Variants in BRAF observed in about 807,000 individuals in gnomAD.
BRAF encodes B-Raf proto-oncogene, serine/threonine kinase.
In BRAF, 16 loss-of-function variants were observed where a neutral mutation model predicts 104.6. The ratio of observed to expected loss-of-function variants is 0.15; its 90% CI spans 0.10 to 0.23. The LOEUF is 0.23. Ranked by LOEUF, BRAF falls within the 10% of genes least tolerant of loss-of-function variation. The pLI, the probability that BRAF is intolerant of heterozygous loss-of-function variation, is 1.00. For missense variants in BRAF, 541 were observed against 937.3 expected (o/e 0.58, Z 5.52); for synonymous variants, 310 against 341.6 (o/e 0.91, Z 1.02).
intron 1 of BRAF, among the ~76,000 whole-genome samples, chr7:140,857,759 G>C (rs1398900185): frequency 6.6e-6 from 1 of 151,990 alleles, no homozygotes; most frequent in African/African-American, 2.4e-5. Context: ...CAACATCAGA[G>C]GCCAGCTTGA....
chr7:140,768,017 A>G (rs1009475523), intron 14 of BRAF, among the ~76,000 whole-genome samples: 1 of 152,236 alleles, frequency 6.6e-6, no homozygotes, highest in Admixed American at 6.5e-5. Flanking sequence ...CAGAGCTGGT[A>G]TCAGATATTT....
rs1795519232 is a variant in BRAF, at chr7:140,724,953, G to A, written c.*1541C>T. ...TAACTAGGTTATATTTTCCATTTGT[G>A]CAAAGATAAGATTTAGGTTCTTAAT... On this transcript the variant is annotated 3_prime_UTR_variant, in exon 20 of 20. Transcript: ENST00000644969. 17 of 1,042,268 alleles carry A rather than the reference G, an allele frequency of 1.6e-5. No homozygotes were observed. Among genetic ancestry groups the A allele is most frequent in the Non-Finnish European group, 2.0e-5 (17 of 864,776 alleles). 64.6% of individuals were successfully genotyped at this position (1,042,268 alleles called of 1,614,324 possible). A position where few individuals can be genotyped will look rare whatever the true frequency, so the allele number is the denominator to read the frequency against.
intron 2 of BRAF, among the ~76,000 whole-genome samples, chr7:140,841,304 T>C (rs1002406235): frequency 3.9e-5 from 6 of 152,118 alleles, no homozygotes; most frequent in African/African-American, 1.2e-4. Flanking sequence ...TACAAAATAG[T>C]GCAGCAACTT....
chr7:140,767,600 G>A (rs540097990), intron 14 of BRAF, among the ~76,000 whole-genome samples: 4 of 152,182 alleles, frequency 2.6e-5, no homozygotes, highest in African/African-American at 7.2e-5. Context: ...GTTTTGAGGC[G>A]GTATGACAGT....
chr7:140,753,743 T>C lies in BRAF; in HGVS notation c.1862-350A>G, dbSNP rs1445423756. 4 of 303,124 alleles carry C rather than the reference T, an allele frequency of 1.3e-5. No homozygotes were observed. In the East Asian group the frequency reaches 2.4e-4, roughly 19 times the overall value. The allele number at this position is 303,124 out of a possible 1,614,324, so 18.8% of individuals were successfully genotyped here. On this transcript the variant is annotated intron_variant, in intron 15 of 19. Transcript: ENST00000644969. The stretch of plus-strand genomic sequence containing the variant: ...CTGGGCGAGCAGTAAAGGCTCTTCA[T>C]TGGAATGAAGATGCTGCAGATAGTA...
intron 1 of BRAF, among the ~76,000 whole-genome samples, chr7:140,923,876 G>A (rs1818542394): frequency 6.6e-6 from 1 of 152,148 alleles, no homozygotes; most frequent in Non-Finnish European, 1.5e-5. Context: ...GGCGGTAGAT[G>A]GGAATAGAAT....
chr7:140,717,551 G>A (rs1386839208), downstream of BRAF, among the ~76,000 whole-genome samples: 1 of 152,192 alleles, frequency 6.6e-6, no homozygotes, highest in Non-Finnish European at 1.5e-5. Flanking sequence ...CCAACTCAGT[G>A]TTAAGAACAC....
At chr7:140,837,261 G>A (rs1448411199) in intron 2 of BRAF, among the ~76,000 whole-genome samples, 2 of 152,142 alleles carry the variant, frequency 1.3e-5, no homozygotes, top group African/African-American at 4.8e-5. Context: ...AAGACCCGGA[G>A]AAGCATCACA....
chr7:140,802,226 T>C (rs1462272792), intron 5 of BRAF, among the ~76,000 whole-genome samples: 1 of 151,970 alleles, frequency 6.6e-6, no homozygotes, highest in Non-Finnish European at 1.5e-5. Context: ...GAATAATTCC[T>C]ATTGCCTAGT....
intron 1 of BRAF, among the ~76,000 whole-genome samples, chr7:140,873,157 A>AGG (rs1811807075): frequency 6.9e-6 from 1 of 145,610 alleles, no homozygotes; most frequent in Non-Finnish European, 1.5e-5. Context: ...AGAACATCAC[A>AGG]GTCTGTGGCT....
Position 140,782,996 on chromosome 7 carries a change from A to G in BRAF, c.1434+25T>C, listed in dbSNP as rs372706608. On this transcript the variant is annotated intron_variant, in intron 11 of 19. Transcript: ENST00000644969. ...ACTTCTAAGAAGAAAGAATTCAGAG[A>G]AAAAAAGATATCATATACTCTTACC... The G allele has an allele frequency of 1.8e-5, 29 of 1,611,500 alleles. No homozygotes were observed. In the Admixed American group the frequency reaches 3.2e-4, roughly 18 times the overall value.
chr7:140,868,156 G>A (rs556074341), intron 1 of BRAF, among the ~76,000 whole-genome samples: 1 of 152,272 alleles, frequency 6.6e-6, no homozygotes, highest in East Asian at 1.9e-4. Flanking sequence ...AATATAGTGT[G>A]CTCATTGACC....
intron 1 of BRAF, among the ~76,000 whole-genome samples, chr7:140,852,767 C>A (rs1403749159): frequency 1.3e-5 from 2 of 152,190 alleles, no homozygotes; most frequent in Non-Finnish European, 2.9e-5. Flanking sequence ...AATATGTCTA[C>A]TAGTATACCT....
chr7:140,812,124 T>A (rs1326104108), intron 3 of BRAF, among the ~76,000 whole-genome samples: 1 of 151,214 alleles, frequency 6.6e-6, no homozygotes, highest in Non-Finnish European at 1.5e-5. Flanking sequence ...TTTAAGAAGG[T>A]ATTCTTAACT....
At chr7:140,817,085 A>G (rs539380945) in intron 3 of BRAF, among the ~76,000 whole-genome samples, 3 of 152,310 alleles carry the variant, frequency 2.0e-5, no homozygotes, top group Non-Finnish European at 2.9e-5. Flanking sequence ...AAAAACAATT[A>G]TAACTGACAA....
At position 140,722,728 on chromosome 7, in the gene BRAF, C is replaced by T; in HGVS notation, c.*3766G>A. The T allele has an allele frequency of 3.8e-6, 4 of 1,050,612 alleles. No homozygotes were observed. The highest frequency in any genetic ancestry group is 4.6e-6 in the Non-Finnish European group (4 of 870,172). The allele number at this position is 1,050,612 out of a possible 1,614,324, so 65.1% of individuals were successfully genotyped here. On this transcript the variant is annotated 3_prime_UTR_variant, in exon 20 of 20. Transcript: ENST00000644969. ...GTGCATGTGACAAAGCTGCAGCAAA[C>T]TCATTATGAGGATGTACTGTCATGC...
chr7:140,888,124 C>T (rs184324976), intron 1 of BRAF, among the ~76,000 whole-genome samples: 5 of 152,158 alleles, frequency 3.3e-5, no homozygotes, highest in South Asian at 2.1e-4. Context: ...CCGTCTACCT[C>T]GGCCTTCCAA....
Position 140,721,660 on chromosome 7 carries a change from AC to A in BRAF, c.*4833del, listed in dbSNP as rs1177488964. On this transcript the variant is annotated 3_prime_UTR_variant, in exon 20 of 20. Transcript: ENST00000644969. ...TACTACCCTCTTCTGGGGCTCAACT[AC>A]CGATGGGCATCAGTAATCCATCCCA... The A allele has an allele frequency of 2.0e-6, 3 of 1,534,978 alleles. No individual in the cohort carries two copies. In the South Asian group the frequency reaches 3.6e-5, roughly 18 times the overall value.
Position 140,778,034 on chromosome 7 carries a change from G to T in BRAF, c.1594C>A (p.Pro532Thr), listed in dbSNP as rs760614709. ...VKMLNVTAPT[P>T]QQLQAFKNEV... ...TTTTTGAAGGCTTGTAACTGCTGAG[G>T]TGTAGGTGCTGTCACATTCAACATT... The change falls in exon 13 of 20, where the codon CCT becomes ACT. Residue 532 changes from proline (P) to threonine (T), a missense_variant. Physicochemically the swap from Pro to Thr is conservative, Grantham distance 38. Around this residue, in one of 10 missense-constraint regions of BRAF, gnomAD observed 109 missense variants for 143.9 expected, o/e 0.76. Coordinates refer to ENST00000644969, the MANE Select transcript of BRAF (RefSeq NM_001374258.1). 12 of 1,613,424 alleles carry T rather than the reference G, an allele frequency of 7.4e-6. No individual in the cohort carries two copies. Among genetic ancestry groups the T allele is most frequent in the Non-Finnish European group, 9.3e-6 (11 of 1,179,746 alleles).
Sources: gnomAD v4.1 joint callset for allele counts (sites outside exome capture counted in the v4.1 genomes callset) on GRCh38, gnomAD v4.1.1 for gene constraint, gnomAD v4.1.1 regional missense constraint, MANE v1.5 for transcripts, NCBI Gene and HGNC (gene_info 2026-07-23, HGNC 2026-07-21) for gene names.